Variants in VRK2 observed in about 807,000 individuals in gnomAD.
VRK2 encodes VRK serine/threonine kinase 2.
In VRK2, 60 loss-of-function variants were observed where a neutral mutation model predicts 57.6. The ratio of observed to expected loss-of-function variants is 1.04; its 90% CI spans 0.85 to 1.29. The LOEUF (loss-of-function observed/expected upper bound fraction) is 1.29. Among genes scored for constraint, VRK2 ranks in the 50% most tolerant of loss-of-function variants. The pLI, the probability that VRK2 is intolerant of heterozygous loss-of-function variation, is 0.00. For synonymous variants in VRK2, 231 were observed against 199.2 expected, an observed-to-expected ratio of 1.16 and a Z score of -1.35; for missense variants, 705 against 588.1, an observed-to-expected ratio of 1.20 and a Z score of -2.06.
At chr2:57,943,072 C>G (rs1319865872) in intron 1 of VRK2, among the ~76,000 whole-genome samples, 1 of 152,124 alleles carries the variant, frequency 6.6e-6, no homozygotes, top group African/African-American at 2.4e-5. Flanking sequence ...CACTTCACAG[C>G]TTTTCAATAA....
chr2:58,026,069 C>CT (rs1673914416), intron 2 of VRK2, among the ~76,000 whole-genome samples: 1 of 152,124 alleles, frequency 6.6e-6, no homozygotes, highest in Non-Finnish European at 1.5e-5. Flanking sequence ...GATTTTAATA[C>CT]TTCAACTATT....
chr2:58,060,293 C>G (rs1303589713), intron 2 of VRK2, among the ~76,000 whole-genome samples: 1 of 151,790 alleles, frequency 6.6e-6, no homozygotes. Flanking sequence ...AGCTTTTGAG[C>G]AAGATAAATC....
intron 1 of VRK2, among the ~76,000 whole-genome samples, chr2:57,986,171 C>T (rs989883223): frequency 6.6e-6 from 1 of 151,568 alleles, no homozygotes; most frequent in Non-Finnish European, 1.5e-5. Flanking sequence ...TTCAAGAAAG[C>T]AGAAGAATAG....
At chr2:58,049,145 C>A (rs4672229) in intron 2 of VRK2, among the ~76,000 whole-genome samples, 178 bp downstream of exon 2, 55,101 of 152,058 alleles carry the variant, frequency 0.36, 11,779 homozygotes, top group Non-Finnish European at 0.47. Flanking sequence ...ATCACTGACC[C>A]ACTCCTTGTT....
chr2:58,048,859 A>T lies in VRK2; in HGVS notation c.28A>T (p.Lys10Ter). The change falls in exon 2 of 13, where the codon AAA (lysine) becomes TAA (stop). Residue 10 changes from lysine (K) to a stop codon, truncating the protein, a stop_gained. Transcript: ENST00000340157. LOFTEE classifies it high-confidence loss of function. MPPKRNEKY[K>*]LPIPFPEGKV... Reference sequence around the variant, plus strand: ...GCCACCAAAAAGAAATGAAAAATACAAACTTCCTATTCCATTTCCAGAAGG... The same window carrying T: ...GCCACCAAAAAGAAATGAAAAATACTAACTTCCTATTCCATTTCCAGAAGG... 1 of 1,613,964 alleles carries T rather than the reference A, an allele frequency of 6.2e-7. No individual in the cohort carries two copies. The highest frequency in any genetic ancestry group is 8.5e-7 in the Non-Finnish European group (1 of 1,179,906).
chr2:58,007,598 A>G (rs1337977726), intron 1 of VRK2, among the ~76,000 whole-genome samples: 1 of 152,174 alleles, frequency 6.6e-6, no homozygotes, highest in Non-Finnish European at 1.5e-5. Flanking sequence ...AATACAATAC[A>G]TATTACATAT....
chr2:58,064,124 T>C (rs1406244756), intron 2 of VRK2, among the ~76,000 whole-genome samples: 2 of 152,142 alleles, frequency 1.3e-5, no homozygotes, highest in African/African-American at 2.4e-5. Context: ...GAATCTATCC[T>C]GGTAAAGATG....
At chr2:58,125,165 A>G (rs1298109398) in intron 8 of VRK2, among the ~76,000 whole-genome samples, 1 of 152,144 alleles carries the variant, frequency 6.6e-6, no homozygotes, top group East Asian at 1.9e-4. Context: ...ATTTATTTCA[A>G]CTGGTAGCTC....
At chr2:58,120,818 C>T (rs1049680304) in intron 7 of VRK2, among the ~76,000 whole-genome samples, 1 of 152,104 alleles carries the variant, frequency 6.6e-6, no homozygotes, top group Non-Finnish European at 1.5e-5. Flanking sequence ...AGCCTTAGTA[C>T]CAATTAGCAA....
Position 58,131,910 on chromosome 2 carries a change from T to C in VRK2, c.779T>C (p.Val260Ala). The C allele has an allele frequency of 6.2e-7, 1 of 1,614,130 alleles. No homozygotes were observed. The highest frequency in any genetic ancestry group is 8.5e-7 in the Non-Finnish European group (1 of 1,179,992). ...WEQNLKDPVA[V>A]QTAKTNLLDE... ...CAGAACCTGAAGGACCCTGTGGCTG[T>C]GCAGACTGCTAAAACAAAGTACAAA... Residue 260 changes from valine to alanine, a missense_variant, in exon 9 of 13, where the codon GTG (valine) becomes GCG (alanine). By Grantham distance (64) the Val-to-Ala change is moderately conservative (BLOSUM62 0). Coordinates refer to ENST00000340157, the MANE Select transcript of VRK2 (RefSeq NM_006296.7).
chr2:57,986,772 T>C (rs1672608288), intron 1 of VRK2, among the ~76,000 whole-genome samples: 1 of 152,000 alleles, frequency 6.6e-6, no homozygotes, highest in African/African-American at 2.4e-5. Flanking sequence ...CTAATTTTTG[T>C]ATTATTAGTA....
intron 1 of VRK2, among the ~76,000 whole-genome samples, chr2:57,928,351 T>G (rs1057124871): frequency 1.1e-4 from 17 of 152,118 alleles, no homozygotes; most frequent in African/African-American, 3.9e-4. Flanking sequence ...CTATGTCCAT[T>G]GCATTTTCAA....
chr2:57,982,283 G>T (rs1288266523), intron 1 of VRK2, among the ~76,000 whole-genome samples: 2 of 152,186 alleles, frequency 1.3e-5, no homozygotes, highest in Non-Finnish European at 2.9e-5. Flanking sequence ...TTCCCAGTTT[G>T]CTGGCAACAA....
intron 12 of VRK2, among the ~76,000 whole-genome samples, chr2:58,157,049 C>T (rs1294150614): frequency 6.6e-6 from 1 of 152,102 alleles, no homozygotes; most frequent in East Asian, 1.9e-4. Context: ...TCTGTTCAGG[C>T]TTTTTTGGCC....
Position 57,971,908 on chromosome 2 carries a change from T to C in VRK2, c.-438-53757T>C, listed in dbSNP as rs1672109521. ...GTAAGATTTTTAAAAATTATTATTA[T>C]GTATTCATGTATTTAAACATATTTC... is the stretch of plus-strand genomic sequence containing the variant. On this transcript the variant is annotated intron_variant, in intron 1 of 15. Coordinates refer to the VRK2 transcript ENST00000417641. Among the ~76,000 whole-genome samples the C allele has an allele frequency of 2.6e-5, 4 of 151,968 alleles. No homozygotes were observed. The South Asian group carries it at 8.3e-4, about 31-fold the overall frequency.
At chr2:58,132,604 T>C (rs1391795871) in intron 9 of VRK2, among the ~76,000 whole-genome samples, 1 of 152,122 alleles carries the variant, frequency 6.6e-6, no homozygotes. Context: ...AATAGCCAGT[T>C]TTTCATTATA....
intron 1 of VRK2, among the ~76,000 whole-genome samples, chr2:57,941,255 T>A (rs139747933): frequency 6.6e-6 from 1 of 152,254 alleles, no homozygotes; most frequent in African/African-American, 2.4e-5. Context: ...TAAAGTCAGC[T>A]CCCAAATTTC....
intron 1 of VRK2, among the ~76,000 whole-genome samples, chr2:57,948,001 C>G (rs1410350190): frequency 6.6e-6 from 1 of 152,132 alleles, no homozygotes; most frequent in Non-Finnish European, 1.5e-5. Flanking sequence ...AAGAGAAATT[C>G]TGACCCATCA....
intron 1 of VRK2, among the ~76,000 whole-genome samples, chr2:58,016,412 T>A (rs2103660562): frequency 6.6e-6 from 1 of 152,290 alleles, no homozygotes; most frequent in African/African-American, 2.4e-5. Flanking sequence ...AGTGGCGCAA[T>A]CTTGGCTCAC....
Sources: gnomAD v4.1 joint callset for allele counts (sites outside exome capture counted in the v4.1 genomes callset) on GRCh38, gnomAD v4.1.1 for gene constraint, MANE v1.5 for transcripts, NCBI Gene and HGNC (gene_info 2026-07-23, HGNC 2026-07-21) for gene names.